RNASET2: variants seen among roughly 807,000 people sequenced by gnomAD.
The protein encoded by RNASET2 is ribonuclease 6.
Under a neutral mutation model 33.9 loss-of-function variants are expected in RNASET2, and 28 were observed. The ratio of observed to expected loss-of-function variants is 0.83; its 90% CI spans 0.61 to 1.13. RNASET2 has a LOEUF of 1.13. Ranked by LOEUF, RNASET2 falls within the 50% of genes most tolerant of loss-of-function variation. The probability of loss-of-function intolerance (pLI) is 0.00; values close to 1 mark genes in which losing one functional copy is unlikely to be tolerated. For missense variants in RNASET2, 330 were observed against 319.9 expected (o/e 1.03, Z -0.24); for synonymous variants, 123 against 121.0 (o/e 1.02, Z -0.11).
In RNASET2 at chr6:166,929,404, G is replaced by A; in HGVS notation, c.*184C>T. 1.4e-6 allele frequency: 1 copy of A among 692,046 alleles called. No homozygotes were observed. The highest frequency in any genetic ancestry group is 2.5e-6 in the Non-Finnish European group (1 of 394,166). 42.9% of individuals were successfully genotyped at this position (692,046 alleles called of 1,614,324 possible). The stretch of plus-strand genomic sequence containing the variant: ...GCACAAAACAGCCACTCAGGCGTGG[G>A]AGAGCTCCTTTCTCCCCGTGTACGC... On this transcript the variant is annotated 3_prime_UTR_variant, in exon 9 of 9. Transcript: ENST00000508775.
At chr6:166,953,812 G>A (rs1244419893) in intron 1 of RNASET2, among the ~76,000 whole-genome samples, 1 of 151,352 alleles carries the variant, frequency 6.6e-6, no homozygotes, top group African/African-American at 2.4e-5. Context: ...CCCAGGAGGT[G>A]GAAGATGCAG....
rs377253019 is a variant in RNASET2 at position 166,942,975 on chromosome 6, C to T, written c.332+44G>A. 378 of 1,524,968 alleles carry T rather than the reference C, an allele frequency of 2.5e-4. 4 individuals carry two copies. The South Asian group carries it at 4.0e-3, about 16-fold the overall frequency. 94.5% of individuals were successfully genotyped at this position (1,524,968 alleles called of 1,614,324 possible). On this transcript the variant is annotated intron_variant, in intron 5 of 8. Coordinates refer to ENST00000508775, the MANE Select transcript of RNASET2 (RefSeq NM_003730.6). ...AGCGATTCATCACGCTCCCCACACC[C>T]GCTCAGACAGTAATCAAGACAGCAA...
At position 166,931,048 on chromosome 6, in the gene RNASET2, C is replaced by G. The variant is rs759190975; in HGVS notation, c.563G>C (p.Ser188Thr). 14 of 1,609,842 alleles carry G rather than the reference C, an allele frequency of 8.7e-6. No homozygotes were observed. The highest frequency in any genetic ancestry group is 1.7e-6 in the Non-Finnish European group (2 of 1,176,058). The change falls in exon 8 of 9, where the codon AGC (serine) becomes ACC (threonine). Residue 188 changes from serine to threonine, a missense_variant. Transcript: ENST00000508775. The stretch of plus-strand genomic sequence containing the variant: ...GACAAAACATAACTGTCTAACCTGG[C>G]TTGGTGGAAGGCACTGGATTTTGGG... ...VIPKIQCLPP[S>T]QDEEVQTIGQ...
At chr6:166,931,212 G>T in intron 7 of RNASET2, 94 bp from the exon 8 acceptor site, 1 of 904,238 alleles carries the variant, frequency 1.1e-6, no homozygotes, top group South Asian at 1.3e-5. Context: ...GCAGGGTCCT[G>T]GTCTCCCTTG....
At position 166,943,089 on chromosome 6, in the gene RNASET2, C is replaced by A. The variant is rs1387040789; in HGVS notation, c.262G>T (p.Asp88Tyr). The A allele has an allele frequency of 6.2e-7, 1 of 1,611,418 alleles. No individual in the cohort carries two copies. Among genetic ancestry groups the A allele is most frequent in the South Asian group, 1.1e-5 (1 of 90,844 alleles). The change falls in exon 5 of 9, where the codon GAT becomes TAT. Residue 88 changes from aspartate (D) to tyrosine (Y), a missense_variant and splice_region_variant. Transcript: ENST00000508775. ...SWPFNLEEIKDLLPEMRAYWP... is the reference protein window; with the variant it reads ...SWPFNLEEIKYLLPEMRAYWP... ...TATGCCCTCATTTCTGGCAAAAGAT[C>A]CTATGCATTAAAAAATAAAATAAGT...
chr6:166,944,273 A>G (rs936371156), intron 4 of RNASET2, among the ~76,000 whole-genome samples: 37 of 151,866 alleles, frequency 2.4e-4, no homozygotes, highest in African/African-American at 8.9e-4. Flanking sequence ...ATTTCTACAC[A>G]CCCTCTACAC....
In RNASET2 at chr6:166,947,651, C is replaced by T. The variant is rs112939747; in HGVS notation, c.204-912G>A. 4.7e-3 allele frequency among the ~76,000 whole-genome samples: 708 copies of T among 152,200 alleles called. 7 individuals carry two copies. Among genetic ancestry groups the T allele is most frequent in the African/African-American group, 0.014 (566 of 41,570 alleles). The stretch of plus-strand genomic sequence containing the variant: ...AGGAGGTCAAGGTTATCTGACCAGA[C>T]AGAGAAGAAAGTGAAACCCGAAGCC... On this transcript the variant is annotated intron_variant, in intron 3 of 8. Transcript: ENST00000508775.
In RNASET2 at chr6:166,956,535, G is replaced by A. The variant is rs1779171537; in HGVS notation, c.-353C>T. 2.9e-6 allele frequency: 1 copy of A among 340,248 alleles called. No individual in the cohort carries two copies. 21.1% of individuals were successfully genotyped at this position (340,248 alleles called of 1,614,324 possible). Reference sequence around the variant, plus strand: ...CAGCCGCCGTCCGCCCACGACCACGGTCAGTCGCGTTGCTCCCAGCCCAGG... The same window carrying A: ...CAGCCGCCGTCCGCCCACGACCACGATCAGTCGCGTTGCTCCCAGCCCAGG... On this transcript the variant is annotated 5_prime_UTR_variant, in exon 1 of 9. Coordinates refer to ENST00000508775, the MANE Select transcript of RNASET2 (RefSeq NM_003730.6).
chr6:166,943,824 C>G, intron 4 of RNASET2: 1 of 461,628 alleles, frequency 2.2e-6, no homozygotes, highest in South Asian at 1.6e-5. Context: ...AAACCTATAA[C>G]TGTTCTAAAA....
In RNASET2 at chr6:166,942,907, A is replaced by C. The variant is rs556039841; in HGVS notation, c.332+112T>G. The stretch of plus-strand genomic sequence containing the variant: ...GTTGTTCAAACTGCTCAGCCCCAGA[A>C]GACAGATTCTGTTATCTTGCTTCCC... On this transcript the variant is annotated intron_variant, in intron 5 of 8. Transcript: ENST00000508775. The C allele has an allele frequency of 6.0e-5, 52 of 869,644 alleles. No individual in the cohort carries two copies. In the African/African-American group the frequency reaches 7.6e-4, roughly 13 times the overall value. The allele number at this position is 869,644 out of a possible 1,614,324, so 53.9% of individuals were successfully genotyped here.
At chr6:166,955,483 CCGT>C in intron 1 of RNASET2, 1 of 986,842 alleles carries the variant, frequency 1.0e-6, no homozygotes, top group Non-Finnish European at 1.2e-6. Context: ...AGAGGAAGAA[CCGT>C]CGTTTCACCA....
intron 5 of RNASET2, 70 bp downstream of exon 5, chr6:166,942,949 T>C: frequency 7.9e-7 from 1 of 1,270,710 alleles, no homozygotes; most frequent in Non-Finnish European, 1.1e-6. Flanking sequence ...TTTCCACTTC[T>C]AGCGATTCAT....
intron 6 of RNASET2, 50 bp from the exon 7 acceptor site, chr6:166,934,186 C>T: frequency 8.6e-7 from 1 of 1,156,982 alleles, no homozygotes; most frequent in Non-Finnish European, 1.3e-6. Flanking sequence ...GTCCACTTTG[C>T]TTTCTTGTTC....
At chr6:166,936,007 A>T (rs187238835) in intron 6 of RNASET2, among the ~76,000 whole-genome samples, 1 of 152,354 alleles carries the variant, frequency 6.6e-6, no homozygotes, top group African/African-American at 2.4e-5. Context: ...AAGCCAACCT[A>T]TGAGAAAAAG....
At chr6:166,930,593 C>A (rs1297232338) in intron 8 of RNASET2, among the ~76,000 whole-genome samples, 2 of 151,022 alleles carry the variant, frequency 1.3e-5, no homozygotes, top group Non-Finnish European at 3.0e-5. Flanking sequence ...ACACACAGCA[C>A]ATGCACACAT....
intron 3 of RNASET2, 40 bp from the exon 4 acceptor site, chr6:166,946,779 G>C: frequency 7.8e-7 from 1 of 1,285,972 alleles, no homozygotes; most frequent in Non-Finnish European, 1.1e-6. Flanking sequence ...AGAAATATTA[G>C]GCTTGGTTGG....
intron 7 of RNASET2, chr6:166,931,336 C>A (rs531476097): frequency 6.8e-6 from 4 of 588,344 alleles, no homozygotes; most frequent in East Asian, 5.7e-5. Context: ...CCGCTCGCTG[C>A]GGCTCTGTTT....
intron 2 of RNASET2, among the ~76,000 whole-genome samples, chr6:166,951,619 C>T (rs935832739): frequency 2.6e-5 from 4 of 152,230 alleles, no homozygotes; most frequent in African/African-American, 9.6e-5. Context: ...CACCGTGCCC[C>T]TTCAGCTCCT....
At position 166,934,032 on chromosome 6, in the gene RNASET2, G is replaced by A. The variant is rs151005716; in HGVS notation, c.492+59C>T. On this transcript the variant is annotated intron_variant, in intron 7 of 8. Coordinates refer to ENST00000508775, the MANE Select transcript of RNASET2 (RefSeq NM_003730.6). ...AGCCCATTGACTCAGAGGCTGAAAC[G>A]GCCCTACTGGAGGTCCCCGGGAGAG... 4.8e-4 allele frequency: 596 copies of A among 1,251,330 alleles called. 2 individuals are homozygous for A. The African/African-American group carries it at 7.6e-3, about 16-fold the overall frequency. The allele number at this position is 1,251,330 out of a possible 1,614,324, so 77.5% of individuals were successfully genotyped here.
Sources: allele counts gnomAD v4.1 joint callset (sites outside exome capture counted in the v4.1 genomes callset), GRCh38; gene constraint gnomAD v4.1.1; transcripts MANE v1.5; gene names NCBI Gene and HGNC (gene_info 2026-07-23, HGNC 2026-07-21).